The following GLIS3 variants were observed in gnomAD, a reference collection of about 807,000 sequenced individuals.
GLIS3 encodes zinc finger protein GLIS3.
GLIS3 carries 53 observed loss-of-function variants against 78.6 expected under a neutral mutation model. The observed-to-expected ratio is 0.67, with a 90% CI of 0.54 to 0.85. GLIS3 has a LOEUF of 0.85. Among genes scored for constraint, GLIS3 ranks in the 40% least tolerant of loss-of-function variants. The pLI, the probability that GLIS3 is intolerant of heterozygous loss-of-function variation, is 0.00. For synonymous variants in GLIS3, 684 were observed against 509.9 expected (o/e 1.34, Z -4.60); for missense variants, 1,703 against 1,231.1 (o/e 1.38, Z -5.74).
intron 2 of GLIS3, among the ~76,000 whole-genome samples, chr9:4,183,857 C>T (rs1817543418): frequency 6.6e-6 from 1 of 152,170 alleles, no homozygotes; most frequent in South Asian, 2.1e-4. Flanking sequence ...ATTAGCCTTT[C>T]AGATCCTTAA....
chr9:4,059,550 C>G (rs1432656407), intron 4 of GLIS3, among the ~76,000 whole-genome samples: 1 of 152,204 alleles, frequency 6.6e-6, no homozygotes, highest in African/African-American at 2.4e-5. Flanking sequence ...TATTCTTGGC[C>G]TTCTGCCTAC....
intron 6 of GLIS3, among the ~76,000 whole-genome samples, chr9:3,911,989 G>A (rs1824186276): frequency 6.6e-6 from 1 of 152,130 alleles, no homozygotes; most frequent in African/African-American, 2.4e-5. Flanking sequence ...ATGGCAAGAG[G>A]AAAAGGATGG....
chr9:4,484,818 C>T, the GLIS3 span, among the ~76,000 whole-genome samples: 1 of 152,082 alleles, frequency 6.6e-6, no homozygotes, highest in South Asian at 2.1e-4. Context: ...GGTCAGGAAT[C>T]GTCTTTGTAG....
chr9:4,271,723 G>C (rs1563872701), intron 2 of GLIS3, among the ~76,000 whole-genome samples: 1 of 152,096 alleles, frequency 6.6e-6, no homozygotes, highest in Non-Finnish European at 1.5e-5. Context: ...TCTTGAATAA[G>C]GTACTTGGGG....
intron 9 of GLIS3, among the ~76,000 whole-genome samples, chr9:3,844,032 G>C (rs559008506): frequency 4.8e-4 from 73 of 152,310 alleles, no homozygotes; most frequent in Non-Finnish European, 9.6e-4. Context: ...GGAAATTCCT[G>C]TAATCAGAAA....
the GLIS3 span, among the ~76,000 whole-genome samples, chr9:4,407,554 G>T: frequency 6.6e-6 from 1 of 152,356 alleles, no homozygotes; most frequent in Non-Finnish European, 1.5e-5. Context: ...GGCTGAGGCA[G>T]GAGAATGGCG....
At chr9:4,202,849 C>T (rs1004464769) in intron 2 of GLIS3, among the ~76,000 whole-genome samples, 19 of 152,142 alleles carry the variant, frequency 1.2e-4, no homozygotes, top group Non-Finnish European at 2.4e-4. Context: ...AATGTAAGAC[C>T]TCAAACTGTA....
intron 4 of GLIS3, among the ~76,000 whole-genome samples, chr9:4,080,679 T>C (rs904700974): frequency 6.6e-6 from 1 of 152,190 alleles, no homozygotes; most frequent in African/African-American, 2.4e-5. Flanking sequence ...CTGACACTAA[T>C]CCTGGCCCTG....
chr9:4,297,899 G>A (rs1816703020), intron 1 of GLIS3, among the ~76,000 whole-genome samples: 1 of 152,100 alleles, frequency 6.6e-6, no homozygotes, highest in Non-Finnish European at 1.5e-5. Flanking sequence ...CTATAGGACT[G>A]GCTTCGCTGC....
intron 4 of GLIS3, among the ~76,000 whole-genome samples, chr9:4,024,496 T>C (rs1391878780): frequency 2.0e-5 from 3 of 152,208 alleles, no homozygotes; most frequent in African/African-American, 7.2e-5. Context: ...TGGCCACTGC[T>C]TAAATCTAAT....
chr9:3,994,723 T>C (rs981586028), intron 4 of GLIS3, among the ~76,000 whole-genome samples: 2 of 152,200 alleles, frequency 1.3e-5, no homozygotes, highest in Non-Finnish European at 2.9e-5. Flanking sequence ...ACTGTCTTTT[T>C]AAAAATCAAA....
the GLIS3 span, among the ~76,000 whole-genome samples, chr9:4,476,568 G>T: frequency 1.3e-5 from 2 of 151,748 alleles, no homozygotes; most frequent in African/African-American, 2.4e-5. Context: ...CACCATGTTA[G>T]CCAGGCTGGT....
At chr9:4,276,253 G>T (rs993489000) in intron 2 of GLIS3, among the ~76,000 whole-genome samples, 3 of 146,558 alleles carry the variant, frequency 2.0e-5, no homozygotes, top group Admixed American at 1.4e-4. Flanking sequence ...AGTGCACTGG[G>T]CAACAGAGTA....
At chr9:3,836,457 C>T (rs933021907) in intron 9 of GLIS3, among the ~76,000 whole-genome samples, 2 of 152,242 alleles carry the variant, frequency 1.3e-5, no homozygotes, top group Non-Finnish European at 2.9e-5. Flanking sequence ...AATGGGTGGA[C>T]TCAAACCAGG....
intron 2 of GLIS3, among the ~76,000 whole-genome samples, chr9:4,183,693 ATTTAAAAAATAATACTTCCTAAATTAC>A (rs1293955698): frequency 6.6e-6 from 1 of 152,216 alleles, no homozygotes; most frequent in Non-Finnish European, 1.5e-5. Flanking sequence ...ATCTTACAAA[ATTTAAAAAATAATACTTCCTAAATTAC>A]TTTCAACTAG....
At chr9:3,905,140 A>ATTTTTTTTTTTTTTTTTTTT (rs369063136) in intron 6 of GLIS3, among the ~76,000 whole-genome samples, 1 of 109,122 alleles carries the variant, frequency 9.2e-6, no homozygotes. Context: ...GCCCGGTTAA[A>ATTTTTTTTTTTTTTTTTTTT]TTTTTTTCTT....
At chr9:4,227,863 C>G (rs189126006) in intron 2 of GLIS3, among the ~76,000 whole-genome samples, 2 of 152,348 alleles carry the variant, frequency 1.3e-5, no homozygotes, top group African/African-American at 4.8e-5. Context: ...TTCTTCACTT[C>G]CCATTTCCAA....
intron 2 of GLIS3, among the ~76,000 whole-genome samples, chr9:4,221,077 A>G (rs1821291725): frequency 6.6e-6 from 1 of 151,922 alleles, no homozygotes; most frequent in Admixed American, 6.6e-5. Context: ...TTCTTTTTTC[A>G]TTTTCTAGGA....
chr9:3,976,900 A>C (rs1209127477), intron 4 of GLIS3, among the ~76,000 whole-genome samples: 1 of 150,284 alleles, frequency 6.7e-6, no homozygotes, highest in Non-Finnish European at 1.5e-5. Context: ...ACAAGACAGA[A>C]AGGTATGAAA....
Sources: allele counts gnomAD v4.1 joint callset (sites outside exome capture counted in the v4.1 genomes callset), GRCh38; gene constraint gnomAD v4.1.1; transcripts MANE v1.5; gene names NCBI Gene and HGNC (gene_info 2026-07-23, HGNC 2026-07-21).